Variants in SEC11C observed in about 807,000 individuals in gnomAD.
SEC11C encodes the protein SEC11 homolog C, signal peptidase complex subunit, also known as signal peptidase complex catalytic subunit SEC11C.
SEC11C carries 10 observed loss-of-function variants against 21.9 expected under a neutral mutation model. The ratio of observed to expected loss-of-function variants is 0.46; its 90% CI spans 0.28 to 0.77. The LOEUF (loss-of-function observed/expected upper bound fraction) is 0.77. Among genes scored for constraint, SEC11C ranks in the 30% least tolerant of loss-of-function variants. The probability of loss-of-function intolerance (pLI) is 0.12; values close to 1 mark genes in which losing one functional copy is unlikely to be tolerated. For missense variants in SEC11C, 145 were observed against 244.5 expected (o/e 0.59, Z 2.71); for synonymous variants, 83 against 85.6 (o/e 0.97, Z 0.17).
intron 4 of SEC11C, chr18:59,156,605 T>C (rs2069420704): frequency 6.6e-6 from 1 of 152,218 alleles, no homozygotes; most frequent in African/African-American, 2.4e-5. Flanking sequence ...TGCTTCTGAT[T>C]GACATAACAG....
chr18:59,155,650 G>A (rs1568067604), intron 3 of SEC11C, 38 bp from the exon 4 acceptor site: 1 of 1,599,522 alleles, frequency 6.3e-7, no homozygotes, highest in Non-Finnish European at 8.5e-7. Flanking sequence ...ATGCTGTGCT[G>A]AAAATAATTT....
chr18:59,157,736 ACAGG>A, intron 5 of SEC11C, 71 bp downstream of exon 5: 1 of 1,051,364 alleles, frequency 9.5e-7, no homozygotes, highest in Non-Finnish European at 1.5e-6. Flanking sequence ...GCAACTGTAA[ACAGG>A]CAGTCTTCTT....
intron 3 of SEC11C, 151 bp downstream of exon 3, chr18:59,152,836 A>G (rs949083677): frequency 2.2e-5 from 13 of 594,134 alleles, no homozygotes; most frequent in Non-Finnish European, 3.7e-5. Context: ...CTCTTTCTGT[A>G]GGATGGGAGT....
intron 1 of SEC11C, among the ~76,000 whole-genome samples, chr18:59,145,508 A>G (rs1200478748): frequency 6.6e-6 from 1 of 152,200 alleles, no homozygotes; most frequent in African/African-American, 2.4e-5. Context: ...GGAAAGAAGC[A>G]TGTGAGGTGG....
chr18:59,154,398 T>C (rs1455524807), intron 3 of SEC11C, among the ~76,000 whole-genome samples: 3 of 152,226 alleles, frequency 2.0e-5, no homozygotes, highest in African/African-American at 7.2e-5. Context: ...CTCATTATAA[T>C]AGTGCATTCT....
intron 1 of SEC11C, among the ~76,000 whole-genome samples, chr18:59,143,744 A>AT (rs2069238202): frequency 6.6e-6 from 1 of 152,148 alleles, no homozygotes. Flanking sequence ...GTGTTTGGTC[A>AT]TGTCATTAAA....
intron 1 of SEC11C, among the ~76,000 whole-genome samples, chr18:59,142,694 A>G (rs962813541): frequency 6.6e-6 from 1 of 152,174 alleles, no homozygotes; most frequent in African/African-American, 2.4e-5. Context: ...ACTTCTTTGC[A>G]TTCTTAAGTA....
intron 2 of SEC11C, 86 bp downstream of exon 2, chr18:59,149,708 A>C: frequency 3.3e-6 from 2 of 604,768 alleles, no homozygotes; most frequent in South Asian, 3.1e-5. Flanking sequence ...TTAAGTGAAA[A>C]CCTGCGTGAC....
intron 1 of SEC11C, among the ~76,000 whole-genome samples, chr18:59,148,269 G>A (rs921582289): frequency 1.1e-4 from 16 of 152,246 alleles, no homozygotes; most frequent in Non-Finnish European, 1.5e-4. Flanking sequence ...TGGCAATGCC[G>A]TGAGGGGCTT....
chr18:59,147,786 G>C (rs2069294310), intron 1 of SEC11C: 1 of 152,308 alleles, frequency 6.6e-6, no homozygotes, highest in South Asian at 2.1e-4. Flanking sequence ...CAGAGGTCTG[G>C]GAGTTCATTC....
At chr18:59,144,597 A>G (rs1189642715) in intron 1 of SEC11C, among the ~76,000 whole-genome samples, 2 of 152,088 alleles carry the variant, frequency 1.3e-5, no homozygotes, top group Non-Finnish European at 2.9e-5. Context: ...ATGCCAGCAC[A>G]TGCCTGTAGT....
intron 5 of SEC11C, among the ~76,000 whole-genome samples, chr18:59,157,913 G>A (rs1221262780): frequency 6.6e-6 from 1 of 151,916 alleles, no homozygotes; most frequent in African/African-American, 2.4e-5. Context: ...TTTTATTATG[G>A]AAATTTTCAT....
At chr18:59,141,501 A>G (rs1275600016) in intron 1 of SEC11C, among the ~76,000 whole-genome samples, 1 of 152,186 alleles carries the variant, frequency 6.6e-6, no homozygotes, top group Non-Finnish European at 1.5e-5. Context: ...TGATGAGTGT[A>G]TTGATCCCTA....
chr18:59,142,064 T>G lies in SEC11C; in HGVS notation c.87+2029T>G, dbSNP rs550046866. Among the ~76,000 whole-genome samples, 18 of 152,310 alleles carry G rather than the reference T, an allele frequency of 1.2e-4. 1 individual carries two copies. The South Asian group carries it at 3.7e-3, about 32-fold the overall frequency. ...CTGTGAAACATGGTGGTGGTTTTTT[T>G]TTTCCAGACCGCAGTCAGCTTGTCA... is the stretch of plus-strand genomic sequence containing the variant. On this transcript the variant is annotated intron_variant, in intron 1 of 5. Coordinates refer to ENST00000587834, the MANE Select transcript of SEC11C (RefSeq NM_033280.4).
intron 2 of SEC11C, 152 bp from the exon 3 acceptor site, chr18:59,152,384 T>TA: frequency 3.0e-6 from 2 of 668,674 alleles, no homozygotes; most frequent in Non-Finnish European, 4.8e-6. Context: ...TCGCACATGT[T>TA]ACCACCTTGA....
intron 2 of SEC11C, among the ~76,000 whole-genome samples, chr18:59,151,674 C>T (rs1347075654): frequency 6.6e-6 from 1 of 152,152 alleles, no homozygotes; most frequent in Non-Finnish European, 1.5e-5. Flanking sequence ...GCATGGTTTT[C>T]TTTGTTTCCA....
At chr18:59,150,989 A>G (rs1336803493) in intron 2 of SEC11C, among the ~76,000 whole-genome samples, 1 of 152,106 alleles carries the variant, frequency 6.6e-6, no homozygotes, top group Non-Finnish European at 1.5e-5. Context: ...CATCCTTTGT[A>G]ATGTTAAAGC....
chr18:59,144,712 GA>G (rs1350568883), intron 1 of SEC11C, among the ~76,000 whole-genome samples: 1 of 109,424 alleles, frequency 9.1e-6, no homozygotes, highest in African/African-American at 3.6e-5. Context: ...GCCACAGACT[GA>G]AACCTTGTAT....
At chr18:59,153,988 T>C (rs2069390060) in intron 3 of SEC11C, among the ~76,000 whole-genome samples, 1 of 152,194 alleles carries the variant, frequency 6.6e-6, no homozygotes, top group Non-Finnish European at 1.5e-5. Context: ...ATTACAGGTG[T>C]GAGCAACTGT....
Sources: gnomAD v4.1 joint callset for allele counts (sites outside exome capture counted in the v4.1 genomes callset) on GRCh38, gnomAD v4.1.1 for gene constraint, MANE v1.5 for transcripts, NCBI Gene and HGNC (gene_info 2026-07-23, HGNC 2026-07-21) for gene names.